The following PRKAR2A variants were observed in gnomAD, a reference collection of about 807,000 sequenced individuals.
PRKAR2A encodes the protein protein kinase cAMP-dependent type II regulatory subunit alpha.
PRKAR2A carries 29 observed loss-of-function variants against 51.9 expected under a neutral mutation model. The ratio of observed to expected loss-of-function variants is 0.56; its 90% CI spans 0.42 to 0.76. The LOEUF (loss-of-function observed/expected upper bound fraction) is 0.76, where lower values mean the gene tolerates loss of function less well. PRKAR2A is among the 30% of genes least tolerant of loss of function. The pLI, the probability that PRKAR2A is intolerant of heterozygous loss-of-function variation, is 0.00. For missense variants in PRKAR2A, 445 were observed against 512.1 expected (o/e 0.87, Z 1.26); for synonymous variants, 178 against 186.2 (o/e 0.96, Z 0.36).
downstream of PRKAR2A, among the ~76,000 whole-genome samples, chr3:48,745,527 G>GTTTTTTT (rs34668049): frequency 1.6e-4 from 11 of 70,424 alleles, no homozygotes; most frequent in Middle Eastern, 0.012. Flanking sequence ...TTTGGATAAG[G>GTTTTTTT]TTTTTTTTTT....
intron 1 of PRKAR2A, among the ~76,000 whole-genome samples, chr3:48,840,879 C>CTTTT (rs998914309): frequency 4.0e-5 from 4 of 100,734 alleles, no homozygotes; most frequent in Non-Finnish European, 8.1e-5. Flanking sequence ...CCTGGCCCAC[C>CTTTT]TTTTTTTTTT....
chr3:48,796,128 A>C (rs1364640844), intron 2 of PRKAR2A, among the ~76,000 whole-genome samples: 1 of 152,236 alleles, frequency 6.6e-6, no homozygotes, highest in Non-Finnish European at 1.5e-5. Flanking sequence ...CCTCTTCACA[A>C]TACAGGCCAT....
intron 1 of PRKAR2A, among the ~76,000 whole-genome samples, chr3:48,834,268 T>G (rs1403675044): frequency 6.6e-6 from 1 of 151,882 alleles, no homozygotes; most frequent in African/African-American, 2.4e-5. Context: ...ACCTCTTCAG[T>G]GTGAACCAAG....
chr3:48,767,327 A>G (rs1193371724), intron 6 of PRKAR2A, among the ~76,000 whole-genome samples: 1 of 151,680 alleles, frequency 6.6e-6, no homozygotes, highest in African/African-American at 2.4e-5. Context: ...AAAAATACAA[A>G]AATTAGCCAG....
At chr3:48,801,022 T>A (rs982193688) in intron 2 of PRKAR2A, among the ~76,000 whole-genome samples, 1 of 152,010 alleles carries the variant, frequency 6.6e-6, no homozygotes. Flanking sequence ...TCACTCATCG[T>A]CCAGAATGGA....
chr3:48,809,090 C>A (rs919449682), intron 1 of PRKAR2A, among the ~76,000 whole-genome samples: 2 of 152,172 alleles, frequency 1.3e-5, no homozygotes, highest in African/African-American at 4.8e-5. Context: ...CAAGCAGAAC[C>A]ATTTTGAAAT....
intron 3 of PRKAR2A, 22 bp from the exon 4 acceptor site, chr3:48,790,649 T>C (rs762231146): frequency 1.4e-6 from 2 of 1,380,818 alleles, no homozygotes; most frequent in Admixed American, 2.7e-5. Context: ...AATAAAACCA[T>C]GGAAACTGTT....
At chr3:48,841,437 C>A (rs146817999) in intron 1 of PRKAR2A, among the ~76,000 whole-genome samples, 87 of 146,960 alleles carry the variant, frequency 5.9e-4, no homozygotes, top group African/African-American at 2.1e-3. Context: ...CCCAGCTACT[C>A]GGAAGGCTGA....
chr3:48,803,388 C>T (rs1461471952), intron 2 of PRKAR2A, among the ~76,000 whole-genome samples: 3 of 152,142 alleles, frequency 2.0e-5, no homozygotes, highest in African/African-American at 7.2e-5. Flanking sequence ...CTAGCCCAGC[C>T]TGGGCAATAG....
chr3:48,838,852 T>C (rs1034600446), intron 1 of PRKAR2A, among the ~76,000 whole-genome samples: 23 of 149,362 alleles, frequency 1.5e-4, no homozygotes, highest in Non-Finnish European at 1.5e-4. Flanking sequence ...GGCATGGTGG[T>C]GGGCGCCTGT....
At chr3:48,825,474 A>G (rs944507502) in intron 1 of PRKAR2A, among the ~76,000 whole-genome samples, 6 of 152,092 alleles carry the variant, frequency 3.9e-5, no homozygotes, top group Admixed American at 6.6e-5. Context: ...CCTGGCACAC[A>G]TAGACATTAA....
chr3:48,777,200 G>A (rs2082118089), intron 5 of PRKAR2A, among the ~76,000 whole-genome samples: 1 of 152,128 alleles, frequency 6.6e-6, no homozygotes, highest in Non-Finnish European at 1.5e-5. Flanking sequence ...GGATCTGCCT[G>A]GGAGCCTGCC....
chr3:48,781,583 G>C (rs957649804), intron 5 of PRKAR2A, among the ~76,000 whole-genome samples: 13 of 152,022 alleles, frequency 8.6e-5, no homozygotes, highest in African/African-American at 2.9e-4. Flanking sequence ...GGCGATCTCA[G>C]CTTGCTGCAG....
intron 3 of PRKAR2A, among the ~76,000 whole-genome samples, chr3:48,793,762 G>C (rs971972183): frequency 2.6e-5 from 4 of 152,132 alleles, no homozygotes; most frequent in Non-Finnish European, 5.9e-5. Flanking sequence ...AAAGTGTTCG[G>C]ATTACAGGTG....
At position 48,847,016 on chromosome 3, in the gene PRKAR2A, G is replaced by A. The variant is rs1311234468; in HGVS notation, c.262+319C>T. Among the ~76,000 whole-genome samples the A allele has an allele frequency of 1.3e-5, 2 of 152,204 alleles. No individual in the cohort carries two copies. The highest frequency in any genetic ancestry group is 4.8e-5 in the African/African-American group (2 of 41,444). ...ACTGGATGAGAACGCTGTTGTCTTCGAAGCCAAAACTGGTGAAGGGTCTTA... is the reference window on the plus strand; with the variant it reads ...ACTGGATGAGAACGCTGTTGTCTTCAAAGCCAAAACTGGTGAAGGGTCTTA... On this transcript the variant is annotated intron_variant, in intron 1 of 10. Transcript: ENST00000265563. This position sits in a 1 kb window ranked among gnomAD's most constrained non-coding sequence, Gnocchi z 4.4.
chr3:48,834,200 A>C (rs2083242700), intron 1 of PRKAR2A, among the ~76,000 whole-genome samples: 3 of 152,192 alleles, frequency 2.0e-5, no homozygotes, highest in Admixed American at 1.3e-4. Context: ...TTTTAGCTAA[A>C]TAAGTGGAGG....
At chr3:48,765,375 A>G (rs1313336282) in intron 6 of PRKAR2A, 26 bp from the exon 7 acceptor site, 1 of 1,497,348 alleles carries the variant, frequency 6.7e-7, no homozygotes, top group Non-Finnish European at 9.2e-7. Flanking sequence ...TGAAAATTCT[A>G]GTAAATGCCT....
chr3:48,756,893 C>A (rs1308669584), intron 8 of PRKAR2A, among the ~76,000 whole-genome samples: 1 of 152,198 alleles, frequency 6.6e-6, no homozygotes, highest in Non-Finnish European at 1.5e-5. Context: ...CAAGTGGGCA[C>A]CATACACAGC....
At chr3:48,826,257 C>A (rs1257532017) in intron 1 of PRKAR2A, among the ~76,000 whole-genome samples, 1 of 152,132 alleles carries the variant, frequency 6.6e-6, no homozygotes, top group Admixed American at 6.5e-5. Flanking sequence ...CAGAAGAAGA[C>A]CCTTGTCTCA....
Sources: gnomAD v4.1 joint callset for allele counts (sites outside exome capture counted in the v4.1 genomes callset) on GRCh38, gnomAD v4.1.1 for gene constraint, Gnocchi (gnomAD v3.1) non-coding constraint, MANE v1.5 for transcripts, NCBI Gene and HGNC (gene_info 2026-07-23, HGNC 2026-07-21) for gene names.